The following DST variants were observed in gnomAD, a reference collection of about 807,000 sequenced individuals.
DST encodes the protein bullous pemphigoid antigen.
A neutral mutation model predicts 875.2 loss-of-function variants in DST; 253 were observed. The observed-to-expected ratio is 0.29, with a 90% confidence interval of 0.26 to 0.32. The LOEUF is 0.32. Among genes scored for constraint, DST ranks in the 10% least tolerant of loss-of-function variants. The pLI, the probability that DST is intolerant of heterozygous loss-of-function variation, is 1.00. For synonymous variants in DST, 3,124 were observed against 3,197.1 expected, an observed-to-expected ratio of 0.98 and a Z score of 0.77; for missense variants, 8,287 against 9,111.6, an observed-to-expected ratio of 0.91 and a Z score of 3.68.
intron 48 of DST, among the ~76,000 whole-genome samples, chr6:56,592,585 A>G (rs1275723259): frequency 6.6e-6 from 1 of 152,210 alleles, no homozygotes; most frequent in African/African-American, 2.4e-5. Context: ...ATTTATACCA[A>G]TTCAAAAACA....
chr6:56,469,082 T>C, intron 97 of DST, 83 bp from the exon 98 acceptor site: 2 of 1,065,964 alleles, frequency 1.9e-6, no homozygotes, highest in Non-Finnish European at 2.8e-6. Flanking sequence ...ACACACATAC[T>C]CACACTCTGT....
At chr6:56,802,327 T>A (rs1374877518) in intron 4 of DST, among the ~76,000 whole-genome samples, 3 of 152,172 alleles carry the variant, frequency 2.0e-5, no homozygotes, top group African/African-American at 7.2e-5. Context: ...CCACTTTTCT[T>A]AAAACTCTTA....
At chr6:56,875,628 C>G (rs1359805928) in intron 3 of DST, among the ~76,000 whole-genome samples, 1 of 152,094 alleles carries the variant, frequency 6.6e-6, no homozygotes, top group African/African-American at 2.4e-5. Flanking sequence ...AGCTCATGGA[C>G]CCTAAGGACA....
At chr6:56,463,826 C>T (rs138743151) in intron 100 of DST, 62 bp from the exon 101 acceptor site, 354 of 1,558,468 alleles carry the variant, frequency 2.3e-4, no homozygotes, top group South Asian at 2.9e-4. Context: ...GGCGCTCAAT[C>T]GTTAATGGGA....
At position 56,506,670 on chromosome 6, in the gene DST, A is replaced by G. The variant is rs1471809793; in HGVS notation, c.19359T>C (p.Asp6453=). Residue 6453 remains aspartate, a synonymous_variant, in exon 76 of 104, where the codon GAT becomes GAC. Coordinates refer to ENST00000680361, the MANE Select transcript of DST (RefSeq NM_001374736.1). ...PDKPIVKKSI[D]ELNSAWDSLN... ...CTGATAAGTAAGCCAGTTGTACCTC[A>G]TCTATACTCTTCTTGACAATGGGTT... The G allele has an allele frequency of 6.2e-7, 1 of 1,613,602 alleles. No individual in the cohort carries two copies. Among genetic ancestry groups the G allele is most frequent in the South Asian group, 1.1e-5 (1 of 91,076 alleles).
rs184441584 is a variant in DST at position 56,797,776 on chromosome 6, C to T, written c.625+53621G>A. On this transcript the variant is annotated intron_variant, in intron 4 of 103. Coordinates refer to ENST00000680361, the MANE Select transcript of DST (RefSeq NM_001374736.1). ...GAGGTTGCAGTGAACCGAGATTGCG[C>T]CATTGCACTCCAGCCTGGGTGACAA... is the stretch of plus-strand genomic sequence containing the variant. Among the ~76,000 whole-genome samples the T allele has an allele frequency of 9.0e-3, 1,338 of 149,462 alleles. 16 individuals carry two copies. The highest frequency in any genetic ancestry group is 0.031 in the African/African-American group (1,228 of 40,188).
chr6:56,657,959 T>C (rs1329634296), intron 10 of DST, among the ~76,000 whole-genome samples: 1 of 151,552 alleles, frequency 6.6e-6, no homozygotes, highest in Non-Finnish European at 1.5e-5. Flanking sequence ...AAAGACGGGG[T>C]TTCGCCATGT....
intron 5 of DST, among the ~76,000 whole-genome samples, chr6:56,705,499 A>G (rs2099329500): frequency 6.6e-6 from 1 of 152,260 alleles, no homozygotes; most frequent in East Asian, 1.9e-4. Context: ...TAAGTCTCTC[A>G]GTCCCCAAAA....
intron 49 of DST, among the ~76,000 whole-genome samples, chr6:56,581,051 T>TAAA (rs771314105): frequency 5.5e-5 from 5 of 90,696 alleles, no homozygotes; most frequent in Non-Finnish European, 1.0e-4. Context: ...TGGCATTTAT[T>TAAA]AAAAAAAAAA....
chr6:56,652,151 A>G lies in DST; in HGVS notation c.1215-907T>C, dbSNP rs145940134. Among the ~76,000 whole-genome samples, 688 of 152,300 alleles carry G rather than the reference A, an allele frequency of 4.5e-3. 1 individual carries two copies. The highest frequency in any genetic ancestry group is 0.016 in the African/African-American group (660 of 41,558). On this transcript the variant is annotated intron_variant, in intron 10 of 103. Transcript: ENST00000680361. ...CACATCCCAGACTTCATATCTTTAT[A>G]ATTTGTGAGATTTACGTAACACCCT...
intron 4 of DST, among the ~76,000 whole-genome samples, chr6:56,748,051 G>A (rs2099577615): frequency 6.6e-6 from 1 of 151,988 alleles, no homozygotes; most frequent in Non-Finnish European, 1.5e-5. Context: ...TGACTTGTTG[G>A]TTTCTGAAAG....
intron 75 of DST, among the ~76,000 whole-genome samples, chr6:56,507,068 C>T (rs1370362905): frequency 6.6e-6 from 1 of 151,966 alleles, no homozygotes; most frequent in Non-Finnish European, 1.5e-5. Context: ...TTAAAAATAT[C>T]AACAATACTG....
chr6:56,551,235 T>A (rs1357099375), intron 61 of DST, among the ~76,000 whole-genome samples: 1 of 152,212 alleles, frequency 6.6e-6, no homozygotes, highest in East Asian at 1.9e-4. Context: ...GTCCATTTGA[T>A]TCATATTCAT....
At chr6:56,897,304 T>C (rs1484582964) in intron 3 of DST, among the ~76,000 whole-genome samples, 1 of 133,878 alleles carries the variant, frequency 7.5e-6, no homozygotes, top group Non-Finnish European at 1.6e-5. Flanking sequence ...TGGTTTTTTT[T>C]TGGGGGGGGG....
chr6:56,852,603 T>C (rs1470273285), intron 3 of DST, among the ~76,000 whole-genome samples: 1 of 152,254 alleles, frequency 6.6e-6, no homozygotes, highest in African/African-American at 2.4e-5. Context: ...GTGTTTGTGA[T>C]TATTTACAGA....
At chr6:56,675,564 A>G (rs2099124057) in intron 9 of DST, among the ~76,000 whole-genome samples, 1 of 152,180 alleles carries the variant, frequency 6.6e-6, no homozygotes, top group Admixed American at 6.5e-5. Context: ...TAAGAAAACA[A>G]AAAACTTGGC....
chr6:56,726,180 C>T (rs938977598), intron 5 of DST, among the ~76,000 whole-genome samples: 1 of 152,242 alleles, frequency 6.6e-6, no homozygotes, highest in Middle Eastern at 3.4e-3. Flanking sequence ...GACTCAGTTT[C>T]CAAACTCCTC....
chr6:56,620,201 C>T (rs2098675626), intron 36 of DST: 1 of 1,613,634 alleles, frequency 6.2e-7, no homozygotes, highest in Non-Finnish European at 8.5e-7. Context: ...TCTCTTTCTT[C>T]TTAATTCTTC....
At chr6:56,589,125 T>A (rs2098221711) in intron 49 of DST, among the ~76,000 whole-genome samples, 1 of 152,194 alleles carries the variant, frequency 6.6e-6, no homozygotes, top group Admixed American at 6.5e-5. Context: ...TTCATGAAAC[T>A]CAGCATACAA....
Sources: gnomAD v4.1 joint callset for allele counts (sites outside exome capture counted in the v4.1 genomes callset) on GRCh38, gnomAD v4.1.1 for gene constraint, MANE v1.5 for transcripts, NCBI Gene and HGNC (gene_info 2026-07-23, HGNC 2026-07-21) for gene names.